The following RUSC2 variants were observed in gnomAD, a reference collection of about 807,000 sequenced individuals.
The protein encoded by RUSC2 is AP-4 complex accessory subunit RUSC2.
RUSC2 carries 34 observed loss-of-function variants against 122.2 expected under a neutral mutation model. The ratio of observed to expected loss-of-function variants is 0.28; its 90% CI spans 0.21 to 0.37. RUSC2 has a LOEUF of 0.37. RUSC2 is among the 10% of genes least tolerant of loss of function. RUSC2 has a pLI of 1.00. For missense variants in RUSC2, 1,747 were observed against 1,952.4 expected (o/e 0.89, Z 1.98); for synonymous variants, 784 against 790.0 (o/e 0.99, Z 0.13).
Position 35,560,586 on chromosome 9 carries a change from C to T in RUSC2, c.3946C>T (p.Pro1316Ser), listed in dbSNP as rs1207061669. ...AGGGGPPQAPPPREGVVEGAE... is the reference protein window; with the variant it reads ...AGGGGPPQAPSPREGVVEGAE... ...AGGTGGGGGACCTCCCCAGGCTCCACCACCCCGAGAGGGAGTAGTGGAGGG... is the reference window on the plus strand; with the variant it reads ...AGGTGGGGGACCTCCCCAGGCTCCATCACCCCGAGAGGGAGTAGTGGAGGG... The change falls in exon 10 of 12, where the codon CCA (proline) becomes TCA (serine). Residue 1316 changes from proline to serine, a missense_variant. Physicochemically the swap from Pro to Ser is moderately conservative, Grantham distance 74. Transcript: ENST00000361226. 1.2e-6 allele frequency: 2 copies of T among 1,613,852 alleles called. No individual in the cohort carries two copies. The highest frequency in any genetic ancestry group is 1.7e-5 in the Admixed American group (1 of 60,022).
intron 1 of RUSC2, among the ~76,000 whole-genome samples, chr9:35,520,018 C>T (rs1821182443): frequency 6.6e-6 from 1 of 152,162 alleles, no homozygotes. Flanking sequence ...GCTTCAGCTA[C>T]CTGCTTTTTA....
intron 1 of RUSC2, among the ~76,000 whole-genome samples, chr9:35,498,158 GT>G (rs10590726): frequency 0.4 from 58,501 of 145,304 alleles, 11,672 homozygotes; most frequent in Admixed American, 0.5. Flanking sequence ...TTTAGTTTTG[GT>G]TTTTTTTTTT....
rs1357282842 is a variant in RUSC2, at chr9:35,547,269, T to TGCC, written c.751_753dup (p.Arg251dup). On this transcript the variant is annotated inframe_insertion, in exon 2 of 12. Coordinates refer to ENST00000361226, the MANE Select transcript of RUSC2 (RefSeq NM_014806.5). The surrounding 1 kb of genome is among the most constrained non-coding windows in gnomAD (Gnocchi z 4.6). ...ATGCTCCGGCTCAGGGGACCAGCAC[T>TGCC]GCCGCTGCAGTAGCACATCCAGTCA... 1 of 1,614,168 alleles carries TGCC rather than the reference T, an allele frequency of 6.2e-7. No homozygotes were observed. The highest frequency in any genetic ancestry group is 1.7e-5 in the Admixed American group (1 of 60,020).
At chr9:35,501,439 T>A (rs1820815340) in intron 1 of RUSC2, among the ~76,000 whole-genome samples, 1 of 152,138 alleles carries the variant, frequency 6.6e-6, no homozygotes, top group African/African-American at 2.4e-5. Context: ...TAGCCAGGCA[T>A]GGTGGGGGGC....
intron 8 of RUSC2, 52 bp from the exon 9 acceptor site, chr9:35,559,174 T>C: frequency 6.9e-7 from 1 of 1,451,308 alleles, no homozygotes; most frequent in East Asian, 2.3e-5. Context: ...TCTGTCTCCT[T>C]ATCTGGCTGT....
chr9:35,522,623 C>T (rs941640302), intron 1 of RUSC2, among the ~76,000 whole-genome samples: 2 of 152,188 alleles, frequency 1.3e-5, no homozygotes, highest in Admixed American at 1.3e-4. Context: ...AGGAAGAATA[C>T]AGTAGATGCT....
chr9:35,496,536 G>A (rs1411178018), intron 1 of RUSC2, among the ~76,000 whole-genome samples: 1 of 152,116 alleles, frequency 6.6e-6, no homozygotes, highest in Non-Finnish European at 1.5e-5. Flanking sequence ...ATCCATGCTC[G>A]GACTGTTGTA....
chr9:35,532,443 G>A (rs888078680), intron 1 of RUSC2, among the ~76,000 whole-genome samples: 6 of 152,142 alleles, frequency 3.9e-5, no homozygotes, highest in Non-Finnish European at 7.4e-5. Context: ...TAGGAGGATT[G>A]GTTTATAGAA....
intron 1 of RUSC2, among the ~76,000 whole-genome samples, chr9:35,508,771 C>T (rs936565861): frequency 7.2e-5 from 11 of 152,186 alleles, no homozygotes; most frequent in Non-Finnish European, 1.6e-4. Flanking sequence ...GGAGCCACTA[C>T]AGCTTCTCAG....
At chr9:35,539,381 T>C (rs1044569710) in intron 1 of RUSC2, among the ~76,000 whole-genome samples, 6 of 151,994 alleles carry the variant, frequency 3.9e-5, no homozygotes, top group Non-Finnish European at 8.8e-5. Flanking sequence ...ATCCTTCCTT[T>C]TTGGGCATTT....
Position 35,558,610 on chromosome 9 carries a change from G to A in RUSC2, c.3341+43G>A. The A allele has an allele frequency of 1.3e-6, 2 of 1,495,002 alleles. No homozygotes were observed. Among genetic ancestry groups the A allele is most frequent in the South Asian group, 2.3e-5 (2 of 88,728 alleles). The allele number at this position is 1,495,002 out of a possible 1,614,324, so 92.6% of individuals were successfully genotyped here. On this transcript the variant is annotated intron_variant, in intron 8 of 11. Transcript: ENST00000361226. The surrounding 1 kb of genome is among the most constrained non-coding windows in gnomAD (Gnocchi z 4.3). Reference sequence around the variant, plus strand: ...CAAGATCCCCTAAACAACTTGCCCTGCCCCCCACCCCCGGGCTCTGCCTGC... The same window carrying A: ...CAAGATCCCCTAAACAACTTGCCCTACCCCCCACCCCCGGGCTCTGCCTGC...
At chr9:35,494,969 A>ATATATATTATATAATATATATTT (rs1564239765) in intron 1 of RUSC2, among the ~76,000 whole-genome samples, 14 of 112,574 alleles carry the variant, frequency 1.2e-4, no homozygotes, top group African/African-American at 2.7e-4. Context: ...TATAAAATTT[A>ATATATATTATATAATATATATTT]TATATATTAT....
intron 1 of RUSC2, among the ~76,000 whole-genome samples, chr9:35,514,883 G>A (rs1334011523): frequency 6.6e-6 from 1 of 152,124 alleles, no homozygotes; most frequent in African/African-American, 2.4e-5. Flanking sequence ...AGATGAAGAA[G>A]GTTGCACCCT....
At chr9:35,538,052 G>T (rs1158086045) in intron 1 of RUSC2, among the ~76,000 whole-genome samples, 2 of 152,178 alleles carry the variant, frequency 1.3e-5, no homozygotes, top group Non-Finnish European at 2.9e-5. Context: ...GCCTAGGAGA[G>T]ACCACTCCCT....
chr9:35,493,190 T>C (rs1011974501), intron 1 of RUSC2, among the ~76,000 whole-genome samples: 1 of 152,160 alleles, frequency 6.6e-6, no homozygotes, highest in Non-Finnish European at 1.5e-5. Context: ...TTTGTGTTTA[T>C]ACATTCCCAT....
intron 1 of RUSC2, among the ~76,000 whole-genome samples, chr9:35,524,933 T>G (rs1821295193): frequency 6.6e-6 from 1 of 150,658 alleles, no homozygotes; most frequent in Admixed American, 6.6e-5. Flanking sequence ...ATCGCACCAC[T>G]GCACTCCAGC....
intron 1 of RUSC2, among the ~76,000 whole-genome samples, chr9:35,521,799 G>A (rs1047337656): frequency 6.6e-6 from 1 of 152,226 alleles, no homozygotes; most frequent in Non-Finnish European, 1.5e-5. Flanking sequence ...CATGCCGTCT[G>A]GCCTCACTTG....
At chr9:35,530,212 A>G (rs1821394668) in intron 1 of RUSC2, among the ~76,000 whole-genome samples, 1 of 152,132 alleles carries the variant, frequency 6.6e-6, no homozygotes, top group South Asian at 2.1e-4. Flanking sequence ...CAGCCTCCCA[A>G]AATGCTGGGA....
chr9:35,546,598 A>G lies in RUSC2; in HGVS notation c.77A>G (p.Asp26Gly). The G allele has an allele frequency of 6.5e-7, 1 of 1,529,916 alleles. No individual in the cohort carries two copies. Among genetic ancestry groups the G allele is most frequent in the Non-Finnish European group, 8.8e-7 (1 of 1,141,342 alleles). 94.8% of individuals were successfully genotyped at this position (1,529,916 alleles called of 1,614,324 possible). Residue 26 changes from aspartate to glycine, a missense_variant, in exon 2 of 12, where the codon GAC (aspartate) becomes GGC (glycine). Transcript: ENST00000361226. The surrounding 1 kb of genome is among the most constrained non-coding windows in gnomAD (Gnocchi z 4.3). ...CCCCTGGTGCACTGCCAAGTCCCAG[A>G]CAGGCAGTGCTGTGGAGGGGCAGGT... ...HIPLVHCQVPDRQCCGGAGGG... is the reference protein window; with the variant it reads ...HIPLVHCQVPGRQCCGGAGGG...
Sources: allele counts gnomAD v4.1 joint callset (sites outside exome capture counted in the v4.1 genomes callset), GRCh38; gene constraint gnomAD v4.1.1; non-coding constraint Gnocchi (gnomAD v3.1); transcripts MANE v1.5; gene names NCBI Gene and HGNC (gene_info 2026-07-23, HGNC 2026-07-21).